ZNF623: variants seen among roughly 807,000 people sequenced by gnomAD.
The protein encoded by ZNF623 is zinc finger protein 623.
A neutral mutation model predicts 24.0 loss-of-function variants in ZNF623; 16 were observed. The observed-to-expected ratio is 0.67, with a 90% CI of 0.45 to 1.01. The LOEUF (loss-of-function observed/expected upper bound fraction) is 1.01, where lower values mean the gene tolerates loss of function less well. ZNF623 is among the 50% of genes least tolerant of loss of function. The pLI is 0.00. For missense variants in ZNF623, 566 were observed against 606.5 expected (o/e 0.93, Z 0.70); for synonymous variants, 224 against 219.8 (o/e 1.02, Z -0.17).
At position 143,648,264 on chromosome 8, in the gene ZNF623, G is replaced by A. The variant is rs74673616; in HGVS notation, c.-95-1634G>A. On this transcript the variant is annotated intron_variant, in intron 1 of 1. Transcript: ENST00000526926. ...CACTGGGAGGAGCTATCAGTGAGGC[G>A]GGTAGGGAACAGAGAAAGGCTGTCC... Among the ~76,000 whole-genome samples, 888 of 152,290 alleles carry A rather than the reference G, an allele frequency of 5.8e-3. 14 individuals carry two copies. The highest frequency in any genetic ancestry group is 0.02 in the African/African-American group (831 of 41,554).
Position 143,650,309 on chromosome 8 carries a change from C to T in ZNF623, c.317C>T (p.Ala106Val). Residue 106 changes from alanine (A) to valine (V), a missense_variant, in exon 2 of 2, where the codon GCT (alanine) becomes GTT (valine). Ala to Val is a moderately conservative substitution (Grantham distance 64). Transcript: ENST00000526926. The surrounding 1 kb of genome is among the most constrained non-coding windows in gnomAD (Gnocchi z 5.2). ...CTAGTTAGGCATCGGATTTCGCATG[C>T]TGGGGAGAAACCTTACACGTGCGAT... ...SDLVRHRISH[A>V]GEKPYTCDQC... is the part of the protein sequence containing the mutation. 2 of 1,614,202 alleles carry T rather than the reference C, an allele frequency of 1.2e-6. No individual in the cohort carries two copies. Among genetic ancestry groups the T allele is most frequent in the East Asian group, 2.2e-5 (1 of 44,886 alleles).
Position 143,647,954 on chromosome 8 carries a change from CTG to C in ZNF623, c.-95-1941_-95-1940del, listed in dbSNP as rs553684601. ...GAGGATTCAAGGGTTATTGCAGTGT[CTG>C]TGGCCTGAACAAATGAGATAATGGA... On this transcript the variant is annotated intron_variant, in intron 1 of 1. Transcript: ENST00000526926. 3.9e-4 allele frequency among the ~76,000 whole-genome samples: 60 copies of C among 152,232 alleles called. 1 individual carries two copies. The highest frequency in any genetic ancestry group is 1.3e-3 in the African/African-American group (56 of 41,538).
intron 1 of ZNF623, among the ~76,000 whole-genome samples, chr8:143,638,909 T>G (rs1814985433): frequency 1.3e-5 from 2 of 151,440 alleles, no homozygotes. Context: ...TTCTTTTTTT[T>G]GAGATAGAGG....
chr8:143,640,191 G>GTTAC (rs913632016), intron 1 of ZNF623, among the ~76,000 whole-genome samples: 10 of 152,326 alleles, frequency 6.6e-5, no homozygotes, highest in Middle Eastern at 3.4e-3. Context: ...GTATGCTGTG[G>GTTAC]TTACTATTCA....
chr8:143,645,793 G>A (rs182470916), intron 1 of ZNF623, among the ~76,000 whole-genome samples: 4 of 152,262 alleles, frequency 2.6e-5, no homozygotes, highest in South Asian at 2.1e-4. Context: ...TGTCCTATCC[G>A]GGGCTGGTTC....
chr8:143,652,926 G>A lies in ZNF623; in HGVS notation c.*1443G>A, dbSNP rs934673801. 16 of 167,118 alleles carry A rather than the reference G, an allele frequency of 9.6e-5. No homozygotes were observed. Among genetic ancestry groups the A allele is most frequent in the African/African-American group, 3.9e-4 (16 of 41,446 alleles). 10.4% of individuals were successfully genotyped at this position (167,118 alleles called of 1,614,324 possible). ...CTGAAGTCATCCACCGTGTAGTGGG[G>A]AAGACGGAGATCACAGTAGGGTGAG... On this transcript the variant is annotated 3_prime_UTR_variant, in exon 2 of 2. Transcript: ENST00000526926.
At position 143,653,407 on chromosome 8, in the gene ZNF623, A is replaced by G. The variant is rs1587337937; in HGVS notation, c.*1924A>G. The G allele has an allele frequency of 6.0e-6, 1 of 167,218 alleles. No homozygotes were observed. The highest frequency in any genetic ancestry group is 3.4e-3 in the Middle Eastern group (1 of 296). 10.4% of individuals were successfully genotyped at this position (167,218 alleles called of 1,614,324 possible). A position where few individuals can be genotyped will look rare whatever the true frequency, so the allele number is the denominator to read the frequency against. ...ATGTTTCAAATGTAGATTTTACCAGACCATTTTAATCAACTTTATTGAGAT... is the reference window on the plus strand; with the variant it reads ...ATGTTTCAAATGTAGATTTTACCAGGCCATTTTAATCAACTTTATTGAGAT... On this transcript the variant is annotated 3_prime_UTR_variant, in exon 2 of 2. Coordinates refer to ENST00000526926, the MANE Select transcript of ZNF623 (RefSeq NM_001261843.2).
intron 1 of ZNF623, among the ~76,000 whole-genome samples, chr8:143,641,712 G>A (rs555583002): frequency 0.48 from 3,647 of 7,652 alleles, 1,484 homozygotes; most frequent in Non-Finnish European, 1. Flanking sequence ...TGATCCACCC[G>A]CCTCGGCCTC....
intron 1 of ZNF623, among the ~76,000 whole-genome samples, chr8:143,642,364 C>T (rs1014061756): frequency 2.0e-5 from 3 of 152,200 alleles, no homozygotes; most frequent in South Asian, 2.1e-4. Context: ...CACCAGCTGT[C>T]GGGCAAAGTT....
rs1375086611 is a variant in ZNF623, at chr8:143,653,006, GCA to G, written c.*1526_*1527del. ...CACAGGTGAGGGGGTGCCTGCTGTG[GCA>G]CAGAGCTGGGAAGGCCTTACAGAAG... On this transcript the variant is annotated 3_prime_UTR_variant, in exon 2 of 2. Transcript: ENST00000526926. 1 of 167,258 alleles carries G rather than the reference GCA, an allele frequency of 6.0e-6. No individual in the cohort carries two copies. The highest frequency in any genetic ancestry group is 2.4e-5 in the African/African-American group (1 of 41,458). 10.4% of individuals were successfully genotyped at this position (167,258 alleles called of 1,614,324 possible).
intron 1 of ZNF623, among the ~76,000 whole-genome samples, chr8:143,644,474 C>T (rs889038720): frequency 3.3e-5 from 5 of 152,236 alleles, no homozygotes; most frequent in South Asian, 4.1e-4. Context: ...CGCAGTGGCC[C>T]GGCTCCCACT....
chr8:143,650,306 A>T lies in ZNF623; in HGVS notation c.314A>T (p.His105Leu), dbSNP rs1412830126. The T allele has an allele frequency of 6.2e-7, 1 of 1,614,226 alleles. No homozygotes were observed. Among genetic ancestry groups the T allele is most frequent in the South Asian group, 1.1e-5 (1 of 91,088 alleles). ...GACCTAGTTAGGCATCGGATTTCGC[A>T]TGCTGGGGAGAAACCTTACACGTGC... Reference protein sequence around the residue: ...NSDLVRHRISHAGEKPYTCDQ... With the variant: ...NSDLVRHRISLAGEKPYTCDQ... The change falls in exon 2 of 2, where the codon CAT (histidine) becomes CTT (leucine). Residue 105 changes from histidine (H) to leucine (L), a missense_variant. His to Leu is a moderately conservative substitution (Grantham distance 99, BLOSUM62 -3). This residue lies in a region of ZNF623 where 313 missense variants were observed against 300.4 expected (regional missense o/e 1.04). Transcript: ENST00000526926. The surrounding 1 kb of genome is among the most constrained non-coding windows in gnomAD (Gnocchi z 5.2).
At chr8:143,644,713 AG>A (rs1358458650) in intron 1 of ZNF623, among the ~76,000 whole-genome samples, 1 of 151,710 alleles carries the variant, frequency 6.6e-6, no homozygotes, top group African/African-American at 2.4e-5. Context: ...AATATGGAGA[AG>A]CCCCATCTCT....
At position 143,649,965 on chromosome 8, in the gene ZNF623, T is replaced by C. The variant is rs143378903; in HGVS notation, c.-28T>C. 601 of 1,614,062 alleles carry C rather than the reference T, an allele frequency of 3.7e-4. 1 individual carries two copies. In the African/African-American group the frequency reaches 7.1e-3, roughly 19 times the overall value. On this transcript the variant is annotated 5_prime_UTR_variant, in exon 2 of 2. Transcript: ENST00000526926. Reference sequence around the variant, plus strand: ...GGATTTCTGAGGATGAAAACTCACATAGGACGACGTCAGACAGACTCACGG... The same window carrying C: ...GGATTTCTGAGGATGAAAACTCACACAGGACGACGTCAGACAGACTCACGG...
rs776915019 is a variant in ZNF623, at chr8:143,650,213, A to G, written c.221A>G (p.Gln74Arg). 2 of 1,614,140 alleles carry G rather than the reference A, an allele frequency of 1.2e-6. No individual in the cohort carries two copies. Among genetic ancestry groups the G allele is most frequent in the Non-Finnish European group, 1.7e-6 (2 of 1,180,056 alleles). The change falls in exon 2 of 2, where the codon CAG (glutamine) becomes CGG (arginine). Residue 74 changes from glutamine to arginine, a missense_variant. Physicochemically the swap from Gln to Arg is conservative, Grantham distance 43 (BLOSUM62 1). This residue lies in a region of ZNF623 where 313 missense variants were observed against 300.4 expected (regional missense o/e 1.04). Transcript: ENST00000526926. This position sits in a 1 kb window ranked among gnomAD's most constrained non-coding sequence, Gnocchi z 5.2. Reference protein sequence around the residue: ...HILNSDLLLLQRELIEGEANP... With the variant: ...HILNSDLLLLRRELIEGEANP... ...CTGAACTCAGACCTTCTTCTGCTTC[A>G]GAGAGAGCTCATAGAGGGGGAAGCC... is the stretch of plus-strand genomic sequence containing the variant.
At position 143,653,507 on chromosome 8, in the gene ZNF623, C is replaced by T. The variant is rs1442507725; in HGVS notation, c.*2024C>T. On this transcript the variant is annotated 3_prime_UTR_variant, in exon 2 of 2. Coordinates refer to ENST00000526926, the MANE Select transcript of ZNF623 (RefSeq NM_001261843.2). ...AATCTATACACCTGTGTAACCACCA[C>T]CACCTGTGTAACCACCACCGCCAGA... is the stretch of plus-strand genomic sequence containing the variant. 2 of 167,010 alleles carry T rather than the reference C, an allele frequency of 1.2e-5. No homozygotes were observed. The highest frequency in any genetic ancestry group is 2.9e-5 in the Non-Finnish European group (2 of 68,122). 10.3% of individuals were successfully genotyped at this position (167,010 alleles called of 1,614,324 possible). A position where few individuals can be genotyped will look rare whatever the true frequency, so the allele number is the denominator to read the frequency against.
At chr8:143,645,077 G>A (rs1336331236) in intron 1 of ZNF623, among the ~76,000 whole-genome samples, 1 of 151,662 alleles carries the variant, frequency 6.6e-6, no homozygotes, top group Non-Finnish European at 1.5e-5. Flanking sequence ...TTGATGAGCC[G>A]AGATCGTGCC....
chr8:143,636,695 G>T (rs1376777053), intron 1 of ZNF623, among the ~76,000 whole-genome samples: 1 of 152,194 alleles, frequency 6.6e-6, no homozygotes, highest in Non-Finnish European at 1.5e-5. Context: ...AGGGAAACAT[G>T]ATGAGCAGAA....
intron 1 of ZNF623, among the ~76,000 whole-genome samples, chr8:143,639,342 G>A (rs532546735): frequency 1.1e-4 from 17 of 151,976 alleles, no homozygotes; most frequent in African/African-American, 3.9e-4. Flanking sequence ...TCCCGTCTCC[G>A]CCTCCCAAGT....
Sources: gnomAD v4.1 joint callset for allele counts (sites outside exome capture counted in the v4.1 genomes callset) on GRCh38, gnomAD v4.1.1 for gene constraint, gnomAD v4.1.1 regional missense constraint, Gnocchi (gnomAD v3.1) non-coding constraint, MANE v1.5 for transcripts, NCBI Gene and HGNC (gene_info 2026-07-23, HGNC 2026-07-21) for gene names.